PACRGL: variants seen among roughly 807,000 people sequenced by gnomAD.
PACRGL encodes the protein parkin coregulated like, also known as PACRG-like protein.
PACRGL carries 38 observed loss-of-function variants against 34.5 expected under a neutral mutation model. The observed-to-expected ratio is 1.10, with a 90% CI of 0.85 to 1.44. The LOEUF (loss-of-function observed/expected upper bound fraction) is 1.44. PACRGL is among the 40% of genes most tolerant of loss of function. PACRGL has a pLI of 0.00. For missense variants in PACRGL, 305 were observed against 281.4 expected (o/e 1.08, Z -0.60); for synonymous variants, 128 against 100.1 (o/e 1.28, Z -1.66).
At chr4:20,733,671 G>T (rs983580785), downstream of PACRGL, among the ~76,000 whole-genome samples, 1 of 152,068 alleles carries the variant, frequency 6.6e-6, no homozygotes, top group Non-Finnish European at 1.5e-5. Flanking sequence ...GATATTTAAG[G>T]TATCCTAAGT....
At chr4:20,699,686 G>A (rs2149014738), upstream of PACRGL, among the ~76,000 whole-genome samples, 1 of 152,250 alleles carries the variant, frequency 6.6e-6, no homozygotes, top group East Asian at 1.9e-4. Flanking sequence ...CAACAGTAGA[G>A]GATGCTAAAG....
intron 8 of PACRGL, among the ~76,000 whole-genome samples, chr4:20,738,532 C>T (rs975608344): frequency 1.3e-5 from 2 of 152,136 alleles, no homozygotes; most frequent in African/African-American, 4.8e-5. Flanking sequence ...GAATCACTGG[C>T]CTACAGCACT....
chr4:20,701,609 T>G (rs940722345), intron 1 of PACRGL: 2 of 289,316 alleles, frequency 6.9e-6, no homozygotes, highest in Non-Finnish European at 1.4e-5. Context: ...GGATAAGATT[T>G]TTAAAGCTTG....
chr4:20,730,130 C>CTGT lies in PACRGL; in HGVS notation c.*2790_*2792dup, dbSNP rs779999949. ...GCATGGAGCGCATTATGTTTTCATC[C>CTGT]TGTAAGGGAGAAACACAGAGCGATT... On this transcript the variant is annotated 3_prime_UTR_variant, in exon 9 of 9. Transcript: ENST00000503585. 1 of 1,605,686 alleles carries CTGT rather than the reference C, an allele frequency of 6.2e-7. No individual in the cohort carries two copies. The highest frequency in any genetic ancestry group is 8.5e-7 in the Non-Finnish European group (1 of 1,176,866).
upstream of PACRGL, among the ~76,000 whole-genome samples, chr4:20,696,713 T>C (rs1187390610): frequency 6.6e-6 from 1 of 152,232 alleles, no homozygotes; most frequent in Non-Finnish European, 1.5e-5. Flanking sequence ...CATTCTATGT[T>C]TGCCCAACTG....
rs762004669 is a variant in PACRGL at position 20,704,661 on chromosome 4, T to G, written c.54T>G (p.Gly18=). 4 of 1,613,940 alleles carry G rather than the reference T, an allele frequency of 2.5e-6. No homozygotes were observed. Among genetic ancestry groups the G allele is most frequent in the Non-Finnish European group, 3.4e-6 (4 of 1,179,978 alleles). The change falls in exon 3 of 9, where the codon GGT becomes GGG. Residue 18 remains glycine, a splice_region_variant and synonymous_variant. Coordinates refer to ENST00000503585, the MANE Select transcript of PACRGL (RefSeq NM_001258345.3). The part of the protein sequence containing the change: ...GGTQLKNRAT[G]NYDQRTSSST... ...TATTGATGTTCTGTTTTTTTCCAGG[T>G]AACTATGATCAAAGGACATCATCAA...
intron 8 of PACRGL, among the ~76,000 whole-genome samples, chr4:20,746,320 A>T (rs1269947505): frequency 1.3e-5 from 2 of 152,082 alleles, no homozygotes; most frequent in Non-Finnish European, 2.9e-5. Flanking sequence ...GGAATTGAAC[A>T]ATGAGAACAC....
At chr4:20,705,988 C>G (rs1206076969) in intron 3 of PACRGL, among the ~76,000 whole-genome samples, 1 of 150,156 alleles carries the variant, frequency 6.7e-6, no homozygotes, top group Admixed American at 6.7e-5. Flanking sequence ...GTGATTTATG[C>G]ACATTAATAT....
intron 5 of PACRGL, among the ~76,000 whole-genome samples, chr4:20,712,313 G>A (rs1578188726): frequency 7.0e-6 from 1 of 142,204 alleles, no homozygotes; most frequent in African/African-American, 2.6e-5. Context: ...CCTGTCTCAT[G>A]TACAGTTGGC....
chr4:20,726,965 A>C (rs978629010), intron 8 of PACRGL, among the ~76,000 whole-genome samples: 6 of 152,252 alleles, frequency 3.9e-5, no homozygotes, highest in Admixed American at 2.6e-4. Flanking sequence ...TTTTGTTGTT[A>C]TCTCCCTCTA....
At chr4:20,715,779 T>A (rs1057394264) in intron 7 of PACRGL, among the ~76,000 whole-genome samples, 6 of 152,000 alleles carry the variant, frequency 3.9e-5, no homozygotes, top group Non-Finnish European at 7.4e-5. Context: ...ACAGGAGAAT[T>A]GCTTGAACCT....
At chr4:20,698,247 G>C (rs146944512), upstream of PACRGL, among the ~76,000 whole-genome samples, 628 of 152,200 alleles carry the variant, frequency 4.1e-3, 9 homozygotes, top group African/African-American at 0.014. Context: ...GAAAATATAT[G>C]GCATATTCTG....
At chr4:20,719,278 A>G (rs1206999533) in intron 7 of PACRGL, among the ~76,000 whole-genome samples, 1 of 152,164 alleles carries the variant, frequency 6.6e-6, no homozygotes, top group African/African-American at 2.4e-5. Flanking sequence ...CAAAAAAACC[A>G]GCTCCTGGAG....
chr4:20,737,022 C>T (rs188492202), downstream of PACRGL, among the ~76,000 whole-genome samples: 44 of 152,190 alleles, frequency 2.9e-4, no homozygotes, highest in Non-Finnish European at 5.6e-4. Context: ...AATTGATTTT[C>T]GATAATGGTG....
At chr4:20,712,110 C>CT (rs1737534042) in intron 5 of PACRGL, among the ~76,000 whole-genome samples, 2 of 151,874 alleles carry the variant, frequency 1.3e-5, no homozygotes, top group African/African-American at 4.8e-5. Context: ...GCGAGTTTCC[C>CT]TTCTTTTTGT....
chr4:20,707,491 C>G (rs1223312071), intron 3 of PACRGL, among the ~76,000 whole-genome samples: 3 of 152,202 alleles, frequency 2.0e-5, no homozygotes, highest in Non-Finnish European at 4.4e-5. Flanking sequence ...TATACTTTTT[C>G]TGTACTTAAC....
chr4:20,725,178 A>G (rs1184767792), intron 8 of PACRGL, among the ~76,000 whole-genome samples: 2 of 152,124 alleles, frequency 1.3e-5, no homozygotes, highest in Non-Finnish European at 2.9e-5. Flanking sequence ...TTTTTTTCTT[A>G]AAAGTATTTT....
chr4:20,707,894 T>A, intron 4 of PACRGL, 24 bp downstream of exon 4: 1 of 1,524,076 alleles, frequency 6.6e-7, no homozygotes. Flanking sequence ...GATTTATAAC[T>A]GACCAAATTA....
At chr4:20,762,992 T>C in the PACRGL span, among the ~76,000 whole-genome samples, 1 of 152,126 alleles carries the variant, frequency 6.6e-6, no homozygotes, top group Non-Finnish European at 1.5e-5. Context: ...CAGGAGCCCC[T>C]TATAAAACCA....
Sources: allele counts gnomAD v4.1 joint callset (sites outside exome capture counted in the v4.1 genomes callset), GRCh38; gene constraint gnomAD v4.1.1; transcripts MANE v1.5; gene names NCBI Gene and HGNC (gene_info 2026-07-23, HGNC 2026-07-21).